The following DGKI variants were observed in gnomAD, a reference collection of about 807,000 sequenced individuals.
DGKI encodes DAG kinase iota.
A neutral mutation model predicts 147.5 loss-of-function variants in DGKI; 55 were observed. The ratio of observed to expected loss-of-function variants is 0.37; its 90% CI spans 0.30 to 0.47. The LOEUF (loss-of-function observed/expected upper bound fraction) is 0.47. Among genes scored for constraint, DGKI ranks in the 20% least tolerant of loss-of-function variants. DGKI has a pLI of 1.00. For synonymous variants in DGKI, 469 were observed against 477.1 expected (o/e 0.98, Z 0.22); for missense variants, 1,007 against 1,323.8 (o/e 0.76, Z 3.71).
At chr7:137,614,411 T>A (rs531171851) in intron 8 of DGKI, among the ~76,000 whole-genome samples, 28 of 152,268 alleles carry the variant, frequency 1.8e-4, no homozygotes, top group African/African-American at 6.3e-4. Context: ...CAGCTCCAAG[T>A]ATATGCACTG....
At chr7:137,611,614 A>G (rs1467242305) in intron 8 of DGKI, among the ~76,000 whole-genome samples, 1 of 152,164 alleles carries the variant, frequency 6.6e-6, no homozygotes, top group Non-Finnish European at 1.5e-5. Context: ...TTTTAAAATG[A>G]TGGTGACACT....
In DGKI at chr7:137,599,907, T is replaced by C; in HGVS notation, c.1168-2A>G. 6.2e-7 allele frequency: 1 copy of C among 1,610,998 alleles called. No individual in the cohort carries two copies. Among genetic ancestry groups the C allele is most frequent in the Non-Finnish European group, 8.5e-7 (1 of 1,177,538 alleles). ...GAACATCTGCAGGACTTTGGTTCCC[T>C]GTAAAAAATAAATACACAAAAAGGC... On this transcript the variant is annotated splice_acceptor_variant, in intron 10 of 32. Coordinates refer to ENST00000614521, the MANE Select transcript of DGKI (RefSeq NM_001321708.2). LOFTEE classifies it high-confidence loss of function.
intron 23 of DGKI, among the ~76,000 whole-genome samples, chr7:137,473,596 T>A (rs1815062097): frequency 6.6e-6 from 1 of 152,136 alleles, no homozygotes; most frequent in African/African-American, 2.4e-5. Flanking sequence ...CTTATGAGAA[T>A]AGGAATCACC....
intron 6 of DGKI, among the ~76,000 whole-genome samples, chr7:137,639,058 T>A (rs184510845): frequency 6.6e-6 from 1 of 152,152 alleles, no homozygotes; most frequent in Non-Finnish European, 1.5e-5. Flanking sequence ...CACAAAGATT[T>A]CAAAAATGTT....
chr7:137,637,487 G>A (rs1245519904), intron 6 of DGKI, among the ~76,000 whole-genome samples: 2 of 152,170 alleles, frequency 1.3e-5, no homozygotes, highest in Non-Finnish European at 2.9e-5. Flanking sequence ...AACTAATAAA[G>A]AAGAATTACA....
chr7:137,566,160 G>T (rs1051130249), intron 19 of DGKI, among the ~76,000 whole-genome samples: 6 of 151,830 alleles, frequency 4.0e-5, no homozygotes, highest in Non-Finnish European at 8.8e-5. Flanking sequence ...TGACCTACTG[G>T]TTATGTTTTT....
intron 28 of DGKI, among the ~76,000 whole-genome samples, chr7:137,440,495 C>A (rs1452952094): frequency 1.3e-5 from 2 of 152,168 alleles, no homozygotes; most frequent in Non-Finnish European, 2.9e-5. Flanking sequence ...ATAGTTCTAT[C>A]CATTCAATCA....
intron 21 of DGKI, among the ~76,000 whole-genome samples, chr7:137,501,678 T>G (rs979731660): frequency 2.0e-5 from 3 of 152,298 alleles, no homozygotes; most frequent in African/African-American, 4.8e-5. Context: ...CACAGCATCT[T>G]TGTGCTGAAT....
intron 1 of DGKI, among the ~76,000 whole-genome samples, chr7:137,752,573 G>A (rs546548109): frequency 3.2e-4 from 49 of 152,244 alleles, no homozygotes; most frequent in African/African-American, 8.9e-4. Context: ...CTGACCTAAC[G>A]GGTTATGTTA....
chr7:137,394,258 T>C (rs1365501173), intron 32 of DGKI, among the ~76,000 whole-genome samples: 1 of 152,196 alleles, frequency 6.6e-6, no homozygotes, highest in African/African-American at 2.4e-5. Flanking sequence ...TCGTAAACTT[T>C]CTTAAAACAT....
intron 21 of DGKI, among the ~76,000 whole-genome samples, chr7:137,517,252 AAAAGAAAG>A (rs1162313556): frequency 3.9e-5 from 5 of 128,996 alleles, no homozygotes. Context: ...AAAGAAAAGA[AAAAGAAAG>A]AAAGAAAGAA....
At chr7:137,680,716 G>A (rs1823205157) in intron 2 of DGKI, among the ~76,000 whole-genome samples, 1 of 152,210 alleles carries the variant, frequency 6.6e-6, no homozygotes, top group African/African-American at 2.4e-5. Context: ...AGGAGGCAGA[G>A]GTTGCAGTGA....
chr7:137,820,904 C>T (rs1797878087), intron 1 of DGKI, among the ~76,000 whole-genome samples: 1 of 152,134 alleles, frequency 6.6e-6, no homozygotes, highest in African/African-American at 2.4e-5. Flanking sequence ...TAGTTTCGGC[C>T]CCTCACCAAC....
chr7:137,391,438 G>A, intron 32 of DGKI, 102 bp from the exon 33 acceptor site: 2 of 796,366 alleles, frequency 2.5e-6, no homozygotes, highest in Non-Finnish European at 2.0e-6. Context: ...AAAAATCACA[G>A]AAACAGAACT....
chr7:137,846,413 G>C lies in DGKI; in HGVS notation c.401+49C>G. On this transcript the variant is annotated intron_variant, in intron 1 of 32. Transcript: ENST00000614521. This position sits in a 1 kb window ranked among gnomAD's most constrained non-coding sequence, Gnocchi z 4.0. The stretch of plus-strand genomic sequence containing the variant: ...CGCCCCTTGCTGGGTAGAAGAGTGG[G>C]TCTCCCGCCGCGGCGCACCTGTCTC... 1 of 1,425,234 alleles carries C rather than the reference G, an allele frequency of 7.0e-7. No individual in the cohort carries two copies. Among genetic ancestry groups the C allele is most frequent in the Non-Finnish European group, 9.6e-7 (1 of 1,042,852 alleles). The allele number at this position is 1,425,234 out of a possible 1,614,324, so 88.3% of individuals were successfully genotyped here.
intron 1 of DGKI, among the ~76,000 whole-genome samples, chr7:137,732,863 C>A (rs191350824): frequency 4.6e-5 from 7 of 151,890 alleles, no homozygotes; most frequent in Admixed American, 2.0e-4. Flanking sequence ...CTTCTCCCAG[C>A]CTGAAACATT....
At chr7:137,540,181 C>G (rs1464668904) in intron 20 of DGKI, among the ~76,000 whole-genome samples, 1 of 152,132 alleles carries the variant, frequency 6.6e-6, no homozygotes, top group African/African-American at 2.4e-5. Flanking sequence ...AAATAATACC[C>G]TAATCTTTTC....
In DGKI at chr7:137,787,003, A is replaced by T. The variant is rs150816857; in HGVS notation, c.401+59459T>A. On this transcript the variant is annotated intron_variant, in intron 1 of 32. Coordinates refer to ENST00000614521, the MANE Select transcript of DGKI (RefSeq NM_001321708.2). ...GATAGGTCAAATACTTAAATCTAAG[A>T]CCTGAAACCATAAAGATTATAGAAG... Among the ~76,000 whole-genome samples, 481 of 152,348 alleles carry T rather than the reference A, an allele frequency of 3.2e-3. 3 individuals carry two copies. Among genetic ancestry groups the T allele is most frequent in the African/African-American group, 0.011 (457 of 41,582 alleles).
intron 1 of DGKI, among the ~76,000 whole-genome samples, chr7:137,806,675 T>C (rs1797379195): frequency 1.3e-5 from 2 of 152,244 alleles, no homozygotes; most frequent in South Asian, 4.2e-4. Flanking sequence ...CTTCGTGATC[T>C]GCCCGCCTCG....
Sources: gnomAD v4.1 joint callset for allele counts (sites outside exome capture counted in the v4.1 genomes callset) on GRCh38, gnomAD v4.1.1 for gene constraint, Gnocchi (gnomAD v3.1) non-coding constraint, MANE v1.5 for transcripts, NCBI Gene and HGNC (gene_info 2026-07-23, HGNC 2026-07-21) for gene names.